The following SAMMSON variants were observed in gnomAD, a reference collection of about 807,000 sequenced individuals.
SAMMSON encodes the protein long intergenic non-protein coding RNA 1212.
At chr3:70,375,705 A>G (rs1476557146) in intron 9 of SAMMSON, among the ~76,000 whole-genome samples, 1 of 152,166 alleles carries the variant, frequency 6.6e-6, no homozygotes. Context: ...GAGTGTTTCT[A>G]TTCCAGTCCT....
chr3:70,413,190 T>C (rs1321700837), intron 2 of SAMMSON, among the ~76,000 whole-genome samples: 2 of 152,132 alleles, frequency 1.3e-5, no homozygotes, highest in Non-Finnish European at 2.9e-5. Flanking sequence ...TTTTAGGTAC[T>C]ATAATTTGAG....
chr3:70,242,239 C>T (rs1490156514), intron 4 of SAMMSON, among the ~76,000 whole-genome samples: 3 of 152,140 alleles, frequency 2.0e-5, no homozygotes, highest in Admixed American at 6.6e-5. Context: ...CATTCATATG[C>T]CTCCAATTAA....
intron 9 of SAMMSON, among the ~76,000 whole-genome samples, chr3:70,365,388 A>T (rs1253765836): frequency 6.6e-6 from 1 of 151,734 alleles, no homozygotes; most frequent in African/African-American, 2.4e-5. Flanking sequence ...CAAACATCCC[A>T]AATGTACACA....
intron 1 of SAMMSON, among the ~76,000 whole-genome samples, chr3:70,005,045 T>C (rs979352297): frequency 6.6e-6 from 1 of 152,208 alleles, no homozygotes; most frequent in Non-Finnish European, 1.5e-5. Flanking sequence ...CAATGTTTTC[T>C]CATCTGAGTG....
At chr3:70,139,645 G>A (rs1289067749) in intron 4 of SAMMSON, among the ~76,000 whole-genome samples, 5 of 152,184 alleles carry the variant, frequency 3.3e-5, no homozygotes, top group Non-Finnish European at 7.3e-5. Context: ...TATGGAGTTT[G>A]GGGTAAGGAA....
intron 3 of SAMMSON, chr3:70,071,380 G>A (rs533322829): frequency 6.6e-6 from 1 of 152,150 alleles, no homozygotes; most frequent in East Asian, 1.9e-4. Flanking sequence ...ATAGTGAAAG[G>A]TTGTCTGCAT....
chr3:70,046,632 C>T (rs555468651), intron 3 of SAMMSON, among the ~76,000 whole-genome samples: 1 of 152,208 alleles, frequency 6.6e-6, no homozygotes, highest in South Asian at 2.1e-4. Context: ...TTTCACATTG[C>T]ACTACTTTTC....
At chr3:70,303,126 T>C (rs907864562) in intron 7 of SAMMSON, among the ~76,000 whole-genome samples, 12 of 152,202 alleles carry the variant, frequency 7.9e-5, no homozygotes, top group African/African-American at 2.2e-4. Context: ...ACAGCACATA[T>C]CACGTAAGAA....
intron 9 of SAMMSON, among the ~76,000 whole-genome samples, chr3:70,385,379 A>G (rs915579878): frequency 6.6e-6 from 1 of 152,136 alleles, no homozygotes. Flanking sequence ...GGGCACAGCT[A>G]TTAGCCTCAG....
intron 9 of SAMMSON, among the ~76,000 whole-genome samples, chr3:70,380,715 C>T (rs528116129): frequency 1.3e-5 from 2 of 152,046 alleles, no homozygotes; most frequent in East Asian, 1.9e-4. Context: ...CACAACAGGC[C>T]CCAGTGTGTG....
At chr3:70,329,693 C>T (rs889973525) in intron 7 of SAMMSON, among the ~76,000 whole-genome samples, 3 of 151,804 alleles carry the variant, frequency 2.0e-5, no homozygotes, top group African/African-American at 7.3e-5. Flanking sequence ...CATTTGTAGA[C>T]ATATTATCTG....
chr3:70,345,559 T>G (rs1195688456), intron 7 of SAMMSON, among the ~76,000 whole-genome samples: 1 of 152,222 alleles, frequency 6.6e-6, no homozygotes, highest in African/African-American at 2.4e-5. Context: ...GGCTTTTAAC[T>G]AACACATAGT....
intron 4 of SAMMSON, among the ~76,000 whole-genome samples, chr3:70,192,415 T>C (rs1701137666): frequency 6.6e-6 from 1 of 152,146 alleles, no homozygotes; most frequent in Non-Finnish European, 1.5e-5. Flanking sequence ...GCCAGGGTAG[T>C]CCAGGGCCAT....
chr3:70,065,612 G>A (rs1052303766), intron 3 of SAMMSON, among the ~76,000 whole-genome samples: 1 of 152,032 alleles, frequency 6.6e-6, no homozygotes, highest in Non-Finnish European at 1.5e-5. Context: ...AGTTCTCCCT[G>A]GGGGGCTGTT....
At chr3:70,397,623 A>AGT (rs946570143) in intron 2 of SAMMSON, among the ~76,000 whole-genome samples, 2 of 151,984 alleles carry the variant, frequency 1.3e-5, no homozygotes, top group African/African-American at 4.8e-5. Flanking sequence ...TGTATATATA[A>AGT]GTGTGTGTGT....
intron 4 of SAMMSON, among the ~76,000 whole-genome samples, chr3:70,146,216 C>T (rs1339898250): frequency 6.6e-6 from 1 of 151,924 alleles, no homozygotes; most frequent in African/African-American, 2.4e-5. Context: ...ACTCTTCAGA[C>T]CCAAATAATT....
Position 70,125,148 on chromosome 3 carries a change from G to C in SAMMSON, n.507+53583G>C, listed in dbSNP as rs556634173. 28 of 1,562,888 alleles carry C rather than the reference G, an allele frequency of 1.8e-5. No homozygotes were observed. In the South Asian group the frequency reaches 3.1e-4, roughly 18 times the overall value. ...TGAACCACCATGGGTTTTCCAAAAA[G>C]CACATATCCATTAGCTTCCTTTAAG... On this transcript the variant is annotated intron_variant and non_coding_transcript_variant, in intron 4 of 9. Coordinates refer to ENST00000642114, the Ensembl canonical transcript of SAMMSON.
At position 70,283,452 on chromosome 3, in the gene SAMMSON, G is replaced by A. The variant is rs151052775; in HGVS notation, n.675-7727G>A. ...CTGTAGAATTGTTCAAAGAGCAAGG[G>A]CCTTGAAGAGAGGATTTGAATCCCA... On this transcript the variant is annotated intron_variant and non_coding_transcript_variant, in intron 6 of 9. Transcript: ENST00000642114. Among the ~76,000 whole-genome samples the A allele has an allele frequency of 7.9e-5, 12 of 152,202 alleles. No homozygotes were observed. In the East Asian group the frequency reaches 2.1e-3, roughly 27 times the overall value.
At chr3:70,053,357 C>G (rs1053191305) in intron 3 of SAMMSON, among the ~76,000 whole-genome samples, 4 of 152,100 alleles carry the variant, frequency 2.6e-5, no homozygotes, top group Non-Finnish European at 5.9e-5. Context: ...TGTGTTTGCC[C>G]TAGGGGCTTG....
Sources: gnomAD v4.1 joint callset for allele counts (sites outside exome capture counted in the v4.1 genomes callset) on GRCh38, gnomAD v4.1.1 for gene constraint, MANE v1.5 for transcripts, NCBI Gene and HGNC (gene_info 2026-07-23, HGNC 2026-07-21) for gene names.